Variants in PTH2R observed in about 807,000 individuals in gnomAD.
PTH2R encodes the protein PTH2 receptor.
A neutral mutation model predicts 60.3 loss-of-function variants in PTH2R; 59 were observed. That is an observed-to-expected ratio of 0.98 (90% CI 0.79 to 1.22). The LOEUF is 1.22. Among genes scored for constraint, PTH2R ranks in the 50% most tolerant of loss-of-function variants. The pLI is 0.00. For missense variants in PTH2R, 749 were observed against 682.6 expected (o/e 1.10, Z -1.08); for synonymous variants, 256 against 243.8 (o/e 1.05, Z -0.47).
At chr2:208,411,521 C>T (rs921733149) in intron 1 of PTH2R, among the ~76,000 whole-genome samples, 2 of 152,180 alleles carry the variant, frequency 1.3e-5, no homozygotes, top group South Asian at 4.1e-4. Context: ...AGGTGTGGCT[C>T]TTCCTTGCCA....
intron 7 of PTH2R, among the ~76,000 whole-genome samples, chr2:208,446,546 A>T (rs1702291445): frequency 6.6e-6 from 1 of 152,206 alleles, no homozygotes; most frequent in Non-Finnish European, 1.5e-5. Context: ...TTGCTCACTT[A>T]ATTAGCCACA....
intron 2 of PTH2R, among the ~76,000 whole-genome samples, chr2:208,433,309 G>T (rs1487297683): frequency 6.6e-6 from 1 of 152,112 alleles, no homozygotes; most frequent in East Asian, 1.9e-4. Flanking sequence ...TCAAACTTTG[G>T]TTTACCTTTC....
At chr2:208,365,951 TATATATATA>T (rs200754513) in intron 1 of PTH2R, among the ~76,000 whole-genome samples, 37 of 21,680 alleles carry the variant, frequency 1.7e-3, no homozygotes, top group African/African-American at 2.0e-3. Flanking sequence ...TATATATATA[TATATATATA>T]TTTTTTTTTT....
intron 1 of PTH2R, among the ~76,000 whole-genome samples, chr2:208,369,460 G>A (rs186729580): frequency 1.8e-4 from 27 of 151,144 alleles, no homozygotes; most frequent in Non-Finnish European, 2.8e-4. Flanking sequence ...TCCACCTTCC[G>A]GTTCAAGCGA....
At chr2:208,402,483 G>C (rs1701327509), upstream of PTH2R, among the ~76,000 whole-genome samples, 1 of 152,082 alleles carries the variant, frequency 6.6e-6, no homozygotes, top group African/African-American at 2.4e-5. Context: ...AAATGTCATA[G>C]CTCCCTACAT....
At chr2:208,393,889 G>A (rs1297289186) in intron 1 of PTH2R, among the ~76,000 whole-genome samples, 2 of 152,184 alleles carry the variant, frequency 1.3e-5, no homozygotes, top group Non-Finnish European at 2.9e-5. Flanking sequence ...AGGATATACT[G>A]GAGCTGGTAG....
At position 208,407,056 on chromosome 2, in the gene PTH2R, G is replaced by C; in HGVS notation, c.13G>C (p.Gly5Arg). 7.2e-7 allele frequency: 1 copy of C among 1,394,584 alleles called. No homozygotes were observed. The highest frequency in any genetic ancestry group is 9.4e-7 in the Non-Finnish European group (1 of 1,067,724). 86.4% of individuals were successfully genotyped at this position (1,394,584 alleles called of 1,614,324 possible). MAGL[G>R]ASLHVWGWLM... ...AGCCGTTCCGGGCATGGCCGGGCTG[G>C]GGGCGTCGCTCCACGTCTGGGGTTG... is the stretch of plus-strand genomic sequence containing the variant. The change falls in exon 1 of 13, where the codon GGG becomes CGG. Residue 5 changes from glycine (G) to arginine (R), a missense_variant. By Grantham distance (125) the Gly-to-Arg change is moderately radical. Coordinates refer to ENST00000272847, the MANE Select transcript of PTH2R (RefSeq NM_005048.4).
intron 7 of PTH2R, among the ~76,000 whole-genome samples, chr2:208,448,382 C>T (rs527788017): frequency 2.0e-4 from 31 of 151,756 alleles, no homozygotes; most frequent in African/African-American, 7.0e-4. Context: ...TTTGTATTGA[C>T]GTGTCTTATG....
intron 1 of PTH2R, among the ~76,000 whole-genome samples, chr2:208,421,361 T>TGG (rs919908330): frequency 6.7e-5 from 10 of 150,106 alleles, no homozygotes; most frequent in South Asian, 6.4e-4. Context: ...ATTTTCATAT[T>TGG]GGGGGTGTGT....
At chr2:208,471,053 A>G (rs1425365398) in intron 9 of PTH2R, among the ~76,000 whole-genome samples, 1 of 152,198 alleles carries the variant, frequency 6.6e-6, no homozygotes, top group African/African-American at 2.4e-5. Context: ...GAAATGATTT[A>G]GGTATCTGGC....
chr2:208,407,040 G>A lies in PTH2R; in HGVS notation c.-4G>A. ...CCCTGCTTCTTCCTACAGCCGTTCC[G>A]GGCATGGCCGGGCTGGGGGCGTCGC... On this transcript the variant is annotated 5_prime_UTR_variant, in exon 1 of 13. Coordinates refer to ENST00000272847, the MANE Select transcript of PTH2R (RefSeq NM_005048.4). 7.2e-7 allele frequency: 1 copy of A among 1,390,136 alleles called. No homozygotes were observed. The highest frequency in any genetic ancestry group is 1.9e-4 in the Middle Eastern group (1 of 5,170). The allele number at this position is 1,390,136 out of a possible 1,614,324, so 86.1% of individuals were successfully genotyped here.
intron 10 of PTH2R, among the ~76,000 whole-genome samples, 166 bp from the exon 11 acceptor site, chr2:208,488,846 C>T (rs1703332230): frequency 6.6e-6 from 1 of 152,162 alleles, no homozygotes; most frequent in Admixed American, 6.5e-5. Context: ...CACTGTACGC[C>T]AGCCTGGGAG....
At chr2:208,366,278 G>T (rs1011214591) in intron 1 of PTH2R, among the ~76,000 whole-genome samples, 5 of 151,598 alleles carry the variant, frequency 3.3e-5, no homozygotes, top group Admixed American at 1.3e-4. Flanking sequence ...TGGCAGGTTT[G>T]GTGTTTCTAG....
At chr2:208,421,370 G>A (rs1167182919) in intron 1 of PTH2R, among the ~76,000 whole-genome samples, 1 of 151,748 alleles carries the variant, frequency 6.6e-6, no homozygotes, top group Admixed American at 6.6e-5. Flanking sequence ...TTGGGGGTGT[G>A]TGTGTGTGTG....
At chr2:208,386,285 G>A (rs1701000242) in intron 1 of PTH2R, among the ~76,000 whole-genome samples, 1 of 152,120 alleles carries the variant, frequency 6.6e-6, no homozygotes, top group African/African-American at 2.4e-5. Flanking sequence ...GTGATGGATG[G>A]ACTTGGATGT....
chr2:208,389,070 G>A (rs1559205502), intron 1 of PTH2R, among the ~76,000 whole-genome samples: 1 of 152,092 alleles, frequency 6.6e-6, no homozygotes, highest in Non-Finnish European at 1.5e-5. Flanking sequence ...TTCATATTGT[G>A]AAGATGTTTT....
At chr2:208,390,154 A>C (rs1337235376) in intron 1 of PTH2R, among the ~76,000 whole-genome samples, 1 of 152,174 alleles carries the variant, frequency 6.6e-6, no homozygotes, top group Non-Finnish European at 1.5e-5. Flanking sequence ...TACAAGTGTG[A>C]TGTTACAATA....
chr2:208,392,760 C>G (rs1266734263), intron 1 of PTH2R, among the ~76,000 whole-genome samples: 1 of 152,156 alleles, frequency 6.6e-6, no homozygotes, highest in African/African-American at 2.4e-5. Context: ...AGACTGGCTC[C>G]AGTACCCAGA....
intron 1 of PTH2R, among the ~76,000 whole-genome samples, chr2:208,411,894 G>T (rs1701546399): frequency 6.6e-6 from 1 of 152,158 alleles, no homozygotes; most frequent in African/African-American, 2.4e-5. Context: ...GCTTAAAGGT[G>T]CCTGATAACA....
Sources: gnomAD v4.1 joint callset for allele counts (sites outside exome capture counted in the v4.1 genomes callset) on GRCh38, gnomAD v4.1.1 for gene constraint, MANE v1.5 for transcripts, NCBI Gene and HGNC (gene_info 2026-07-23, HGNC 2026-07-21) for gene names.